The following ANKRD42 variants were observed in gnomAD, a reference collection of about 807,000 sequenced individuals.
ANKRD42 encodes the protein ankyrin repeat domain 42.
A neutral mutation model predicts 51.5 loss-of-function variants in ANKRD42; 43 were observed. The observed-to-expected ratio is 0.83, with a 90% CI of 0.65 to 1.08. ANKRD42 has a LOEUF of 1.08. Ranked by LOEUF, ANKRD42 falls within the 50% of genes least tolerant of loss-of-function variation. The probability of loss-of-function intolerance (pLI) is 0.00; values close to 1 mark genes in which losing one functional copy is unlikely to be tolerated. For missense variants in ANKRD42, 608 were observed against 629.3 expected, an observed-to-expected ratio of 0.97 and a Z score of 0.36; for synonymous variants, 203 against 213.0, an observed-to-expected ratio of 0.95 and a Z score of 0.41.
At chr11:83,213,282 G>A (rs946004241) in intron 5 of ANKRD42, 30 of 1,594,738 alleles carry the variant, frequency 1.9e-5, no homozygotes, top group Middle Eastern at 2.2e-4. Context: ...ATGTGCAACA[G>A]ATCTTACTGT....
At chr11:83,257,312 G>C (rs1282347945), downstream of ANKRD42, 1 of 455,956 alleles carries the variant, frequency 2.2e-6, no homozygotes, top group South Asian at 1.5e-5. Context: ...AGATCTTCAG[G>C]GGGAGACAGG....
intron 2 of ANKRD42, among the ~76,000 whole-genome samples, chr11:83,203,359 T>G (rs936742284): frequency 2.0e-5 from 3 of 151,810 alleles, no homozygotes; most frequent in Admixed American, 2.0e-4. Context: ...TATTCCTACT[T>G]AAAGGTCATC....
downstream of ANKRD42, among the ~76,000 whole-genome samples, chr11:83,263,045 G>A (rs1161375655): frequency 1.3e-5 from 2 of 152,110 alleles, no homozygotes; most frequent in Non-Finnish European, 2.9e-5. Flanking sequence ...AGCAAACAGT[G>A]GAGCCGGGAT....
At chr11:83,214,437 TGTCTG>T (rs1217287974) in intron 5 of ANKRD42, 7 of 982,266 alleles carry the variant, frequency 7.1e-6, no homozygotes, top group Non-Finnish European at 8.5e-6. Context: ...TTGTTGGTCT[TGTCTG>T]GTCATTAAAA....
chr11:83,198,869 G>A (rs542537249), intron 2 of ANKRD42, among the ~76,000 whole-genome samples: 1 of 152,228 alleles, frequency 6.6e-6, no homozygotes, highest in South Asian at 2.1e-4. Flanking sequence ...ACAAACCCAA[G>A]AATTTGGATC....
intron 4 of ANKRD42, 48 bp downstream of exon 4, chr11:83,210,467 A>C (rs776538607): frequency 1.3e-6 from 2 of 1,599,600 alleles, no homozygotes; most frequent in Admixed American, 3.4e-5. Context: ...ATATAGATGG[A>C]ATAGCATTTG....
chr11:83,252,218 C>T (rs1565200088), downstream of ANKRD42, among the ~76,000 whole-genome samples: 1 of 152,114 alleles, frequency 6.6e-6, no homozygotes, highest in Non-Finnish European at 1.5e-5. Flanking sequence ...CCAATATATA[C>T]CCATCAGAAT....
At chr11:83,207,595 A>G (rs1345941362) in intron 3 of ANKRD42, among the ~76,000 whole-genome samples, 2 of 152,236 alleles carry the variant, frequency 1.3e-5, no homozygotes, top group Non-Finnish European at 2.9e-5. Context: ...AAATAAAAAT[A>G]ATGATTGTCA....
chr11:83,243,855 G>C (rs1034061341), intron 9 of ANKRD42, among the ~76,000 whole-genome samples: 14 of 151,534 alleles, frequency 9.2e-5, no homozygotes, highest in African/African-American at 3.2e-4. Context: ...TAGTAGAGAC[G>C]GGGTTTCACC....
chr11:83,208,447 A>G lies in ANKRD42; in HGVS notation c.331-1853A>G, dbSNP rs534540497. Among the ~76,000 whole-genome samples, 5 of 152,270 alleles carry G rather than the reference A, an allele frequency of 3.3e-5. No homozygotes were observed. The South Asian group carries it at 1.0e-3, about 32-fold the overall frequency. On this transcript the variant is annotated intron_variant, in intron 3 of 10. Coordinates refer to ENST00000533342, the MANE Select transcript of ANKRD42 (RefSeq NM_001300975.2). Reference sequence around the variant, plus strand: ...CATCCACATGGACCTTAACCGGGGAATGAGATAATGAAAACAGTATTTCAG... The same window carrying G: ...CATCCACATGGACCTTAACCGGGGAGTGAGATAATGAAAACAGTATTTCAG...
chr11:83,220,156 C>G (rs1862673551), intron 5 of ANKRD42, among the ~76,000 whole-genome samples: 1 of 152,186 alleles, frequency 6.6e-6, no homozygotes, highest in South Asian at 2.1e-4. Context: ...CCGCTGAGCA[C>G]TCCCAGGTGT....
At chr11:83,198,158 A>C (rs547865762) in intron 1 of ANKRD42, among the ~76,000 whole-genome samples, 1 of 152,128 alleles carries the variant, frequency 6.6e-6, no homozygotes, top group Non-Finnish European at 1.5e-5. Flanking sequence ...TGGCTCCAGG[A>C]CTGTATTTTT....
downstream of ANKRD42, chr11:83,261,876 A>G (rs1863943825): frequency 1.3e-6 from 2 of 1,519,078 alleles, no homozygotes; most frequent in East Asian, 4.6e-5. Flanking sequence ...TGGTGTTCTA[A>G]GAAGCCAACA....
downstream of ANKRD42, among the ~76,000 whole-genome samples, chr11:83,264,234 A>G (rs1864107969): frequency 6.6e-6 from 1 of 152,200 alleles, no homozygotes; most frequent in Non-Finnish European, 1.5e-5. Context: ...GCATTTTCAT[A>G]TAGGGAATAC....
intron 3 of ANKRD42, among the ~76,000 whole-genome samples, chr11:83,208,262 G>A (rs572318605): frequency 6.6e-6 from 1 of 152,192 alleles, no homozygotes; most frequent in South Asian, 2.1e-4. Flanking sequence ...GAACTCCTGG[G>A]CTCAAGTGGT....
At chr11:83,224,131 T>G (rs1862801545) in intron 5 of ANKRD42, among the ~76,000 whole-genome samples, 2 of 152,090 alleles carry the variant, frequency 1.3e-5, no homozygotes, top group Non-Finnish European at 1.5e-5. Context: ...AATGTTGAAG[T>G]CAGTGTATAT....
chr11:83,197,790 A>G (rs1445757748), intron 1 of ANKRD42, among the ~76,000 whole-genome samples: 1 of 152,258 alleles, frequency 6.6e-6, no homozygotes, highest in Non-Finnish European at 1.5e-5. Flanking sequence ...GTGGCCTGCC[A>G]TTCCTTTCTT....
rs910876501 is a variant in ANKRD42 at position 83,208,876 on chromosome 11, G to T, written c.331-1424G>T. Among the ~76,000 whole-genome samples, 12 of 152,236 alleles carry T rather than the reference G, an allele frequency of 7.9e-5. 1 individual carries two copies. Among genetic ancestry groups the T allele is most frequent in the Admixed American group, 2.0e-4 (3 of 15,294 alleles). On this transcript the variant is annotated intron_variant, in intron 3 of 10. Transcript: ENST00000533342. ...GTATAGAAGAGTCTCTAACTCCTGG[G>T]CTCGAGTGATCCTTCCACCTCAGCC...
At position 83,236,455 on chromosome 11, in the gene ANKRD42, C is replaced by T. The variant is rs139990379; in HGVS notation, c.965C>T (p.Ala322Val). 9.9e-6 allele frequency: 16 copies of T among 1,612,320 alleles called. No individual in the cohort carries two copies. In the East Asian group the frequency reaches 3.3e-4, roughly 34 times the overall value. ...TTGCAGTGGTTAATTAAAATGGGAG[C>T]AGACAGTAATATTACCAACAAAGCA... ...ECLQWLIKMG[A>V]DSNITNKAGE... Residue 322 changes from alanine to valine, a missense_variant, in exon 8 of 11, where the codon GCA becomes GTA. Coordinates refer to ENST00000533342, the MANE Select transcript of ANKRD42 (RefSeq NM_001300975.2).
Sources: allele counts gnomAD v4.1 joint callset (sites outside exome capture counted in the v4.1 genomes callset), GRCh38; gene constraint gnomAD v4.1.1; transcripts MANE v1.5; gene names NCBI Gene and HGNC (gene_info 2026-07-23, HGNC 2026-07-21).